NOS1AP: variants seen among roughly 807,000 people sequenced by gnomAD.
NOS1AP encodes the protein nitric oxide synthase 1 adaptor protein, also known as carboxyl-terminal PDZ ligand of neuronal nitric oxide synthase protein.
In NOS1AP, 21 loss-of-function variants were observed where a neutral mutation model predicts 56.2. That is an observed-to-expected ratio of 0.37 (90% CI 0.26 to 0.54). The LOEUF (loss-of-function observed/expected upper bound fraction) is 0.54, where lower values mean the gene tolerates loss of function less well. Among genes scored for constraint, NOS1AP ranks in the 20% least tolerant of loss-of-function variants. The probability of loss-of-function intolerance (pLI) is 0.84; values close to 1 mark genes in which losing one functional copy is unlikely to be tolerated. For synonymous variants in NOS1AP, 270 were observed against 274.6 expected, an observed-to-expected ratio of 0.98 and a Z score of 0.17; for missense variants, 522 against 657.8, an observed-to-expected ratio of 0.79 and a Z score of 2.26.
At chr1:162,237,427 C>T (rs1213155172) in intron 2 of NOS1AP, among the ~76,000 whole-genome samples, 2 of 152,166 alleles carry the variant, frequency 1.3e-5, no homozygotes, top group East Asian at 1.9e-4. Context: ...ACTCTCAAGC[C>T]TTAGGCTAGT....
chr1:162,116,147 T>C (rs1647940131), intron 1 of NOS1AP, among the ~76,000 whole-genome samples: 1 of 152,194 alleles, frequency 6.6e-6, no homozygotes, highest in Non-Finnish European at 1.5e-5. Flanking sequence ...GCCTCTGAAG[T>C]GTGAGGACAG....
chr1:162,186,218 G>A lies in NOS1AP; in HGVS notation c.177+31742G>A, dbSNP rs182405257. On this transcript the variant is annotated intron_variant, in intron 2 of 9. Coordinates refer to ENST00000361897, the MANE Select transcript of NOS1AP (RefSeq NM_014697.3). ...CACGTTATAATGCATGTCACTGGCAGAAATCCTAATGTCATTGCATTTGGT... is the reference window on the plus strand; with the variant it reads ...CACGTTATAATGCATGTCACTGGCAAAAATCCTAATGTCATTGCATTTGGT... 3.3e-5 allele frequency among the ~76,000 whole-genome samples: 5 copies of A among 152,272 alleles called. No individual in the cohort carries two copies. In the East Asian group the frequency reaches 9.6e-4, roughly 29 times the overall value.
rs148494538 is a variant in NOS1AP, at chr1:162,366,120, G to A, written c.1105+551G>A. Reference sequence around the variant, plus strand: ...CAATAGCAGAGGTTGCCTGGCCCCTGCTTGAGAAGCTGTCTCTACACTCAG... The same window carrying A: ...CAATAGCAGAGGTTGCCTGGCCCCTACTTGAGAAGCTGTCTCTACACTCAG... On this transcript the variant is annotated intron_variant, in intron 9 of 9. Transcript: ENST00000361897. Among the ~76,000 whole-genome samples, 29 of 152,312 alleles carry A rather than the reference G, an allele frequency of 1.9e-4. No individual in the cohort carries two copies. The East Asian group carries it at 5.4e-3, about 28-fold the overall frequency.
intron 2 of NOS1AP, among the ~76,000 whole-genome samples, chr1:162,204,816 A>G (rs1182132102): frequency 1.3e-5 from 2 of 152,190 alleles, no homozygotes; most frequent in African/African-American, 4.8e-5. Flanking sequence ...TGTTGCTGCA[A>G]TTATCTGAAG....
At chr1:162,083,688 C>A (rs1691940856) in intron 1 of NOS1AP, among the ~76,000 whole-genome samples, 1 of 152,194 alleles carries the variant, frequency 6.6e-6, no homozygotes, top group Admixed American at 6.5e-5. Context: ...TCCAGATAAG[C>A]ATTTTGCAGC....
chr1:162,167,234 G>A (rs3795646), intron 2 of NOS1AP, among the ~76,000 whole-genome samples: 42,633 of 152,046 alleles, frequency 0.28, 7,315 homozygotes, highest in African/African-American at 0.48. Context: ...TGTAATATTA[G>A]CAATTTACCT....
At chr1:162,126,156 T>C (rs1263344968) in intron 1 of NOS1AP, among the ~76,000 whole-genome samples, 3 of 152,230 alleles carry the variant, frequency 2.0e-5, no homozygotes, top group African/African-American at 7.2e-5. Context: ...TGAATTCATT[T>C]ATCAGAGCTA....
chr1:162,332,719 C>G (rs779361131), intron 4 of NOS1AP, among the ~76,000 whole-genome samples: 3 of 152,190 alleles, frequency 2.0e-5, no homozygotes, highest in East Asian at 1.9e-4. Flanking sequence ...ATTTTTCCTT[C>G]TAACATACAA....
chr1:162,287,482 G>A, intron 3 of NOS1AP, 46 bp downstream of exon 3: 1 of 1,323,570 alleles, frequency 7.6e-7, no homozygotes, highest in Non-Finnish European at 1.1e-6. Flanking sequence ...GAAAGCAGGG[G>A]AGGTAGGCAT....
At chr1:162,114,902 T>C (rs745560498) in intron 1 of NOS1AP, among the ~76,000 whole-genome samples, 1 of 152,260 alleles carries the variant, frequency 6.6e-6, no homozygotes, top group Non-Finnish European at 1.5e-5. Flanking sequence ...TGCATTTGTC[T>C]GTCCCTTGAT....
chr1:162,291,071 G>T (rs1478939650), intron 3 of NOS1AP, among the ~76,000 whole-genome samples: 1 of 151,722 alleles, frequency 6.6e-6, no homozygotes, highest in Non-Finnish European at 1.5e-5. Flanking sequence ...AGTCTGAGTG[G>T]GTCACTATGT....
intron 2 of NOS1AP, among the ~76,000 whole-genome samples, chr1:162,266,954 A>G (rs1654440749): frequency 6.6e-6 from 1 of 152,228 alleles, no homozygotes; most frequent in Non-Finnish European, 1.5e-5. Context: ...TGAAGATAGT[A>G]TCATCATTAT....
chr1:162,308,762 T>G (rs2819316), intron 4 of NOS1AP, among the ~76,000 whole-genome samples: 64,256 of 152,070 alleles, frequency 0.42, 14,296 homozygotes, highest in East Asian at 0.59. Flanking sequence ...TAGCAATAAA[T>G]TGGTACAGGT....
chr1:162,170,797 C>T (rs114752765), intron 2 of NOS1AP, among the ~76,000 whole-genome samples: 5,261 of 152,000 alleles, frequency 0.035, 135 homozygotes, highest in Non-Finnish European at 0.049. Context: ...AAAAATTAGC[C>T]GGATATGGTG....
At chr1:162,075,661 T>C (rs1392508559) in intron 1 of NOS1AP, among the ~76,000 whole-genome samples, 1 of 152,204 alleles carries the variant, frequency 6.6e-6, no homozygotes, top group Non-Finnish European at 1.5e-5. Context: ...ACAGTAGCAA[T>C]TCAGATTAAG....
At chr1:162,180,930 T>C (rs1190188706) in intron 2 of NOS1AP, among the ~76,000 whole-genome samples, 1 of 152,210 alleles carries the variant, frequency 6.6e-6, no homozygotes, top group Non-Finnish European at 1.5e-5. Context: ...AGTAGAAAAC[T>C]AAAACATTCC....
At chr1:162,261,928 A>T (rs1484378696) in intron 2 of NOS1AP, among the ~76,000 whole-genome samples, 1 of 152,198 alleles carries the variant, frequency 6.6e-6, no homozygotes, top group Admixed American at 6.5e-5. Context: ...TTCAGAGGAA[A>T]GACAACTCTT....
At chr1:162,354,989 T>C (rs1460056870) in intron 6 of NOS1AP, among the ~76,000 whole-genome samples, 198 bp from the exon 7 acceptor site, 1 of 152,254 alleles carries the variant, frequency 6.6e-6, no homozygotes, top group Non-Finnish European at 1.5e-5. Context: ...TTCTGGACTT[T>C]GAAAAGATAC....
intron 5 of NOS1AP, among the ~76,000 whole-genome samples, chr1:162,340,865 C>T (rs1167135114): frequency 6.6e-6 from 1 of 152,316 alleles, no homozygotes; most frequent in Admixed American, 6.5e-5. Flanking sequence ...AACCAGCCTA[C>T]TTCCTTACAG....
Sources: allele counts gnomAD v4.1 joint callset (sites outside exome capture counted in the v4.1 genomes callset), GRCh38; gene constraint gnomAD v4.1.1; transcripts MANE v1.5; gene names NCBI Gene and HGNC (gene_info 2026-07-23, HGNC 2026-07-21).